RYR3: variants seen among roughly 807,000 people sequenced by gnomAD.
RYR3 encodes ryanodine receptor 3.
In RYR3, 207 loss-of-function variants were observed where a neutral mutation model predicts 584.3. The observed-to-expected ratio is 0.35, with a 90% confidence interval of 0.32 to 0.40. The LOEUF (loss-of-function observed/expected upper bound fraction) is 0.40, where lower values mean the gene tolerates loss of function less well. Among genes scored for constraint, RYR3 ranks in the 10% least tolerant of loss-of-function variants. RYR3 has a pLI of 1.00. For synonymous variants in RYR3, 2,416 were observed against 2,248.5 expected (o/e 1.07, Z -2.11); for missense variants, 5,616 against 6,089.2 (o/e 0.92, Z 2.59).
intron 10 of RYR3, among the ~76,000 whole-genome samples, chr15:33,558,855 C>T (rs1352627440): frequency 6.6e-6 from 1 of 152,148 alleles, no homozygotes; most frequent in Non-Finnish European, 1.5e-5. Context: ...CACGCCATAC[C>T]ACACAGGGCC....
intron 12 of RYR3, among the ~76,000 whole-genome samples, chr15:33,569,266 T>C (rs1201859828): frequency 6.6e-6 from 1 of 152,226 alleles, no homozygotes; most frequent in African/African-American, 2.4e-5. Flanking sequence ...TTGTTGTATT[T>C]TTATTGTGGT....
chr15:33,815,005 G>C (rs2076739374), intron 74 of RYR3, among the ~76,000 whole-genome samples: 2 of 151,272 alleles, frequency 1.3e-5, no homozygotes, highest in Admixed American at 6.6e-5. Context: ...GGGAGGCGGA[G>C]GTTGCAGTGA....
intron 1 of RYR3, among the ~76,000 whole-genome samples, chr15:33,386,670 A>G (rs2596205): frequency 0.76 from 115,793 of 152,020 alleles, 44,222 homozygotes; most frequent in Non-Finnish European, 0.79. Flanking sequence ...TATCCATTAA[A>G]TAACAATTCC....
In RYR3 at chr15:33,731,691, G is replaced by A; in HGVS notation, c.7421G>A (p.Cys2474Tyr). 1 of 1,597,648 alleles carries A rather than the reference G, an allele frequency of 6.3e-7. No individual in the cohort carries two copies. Among genetic ancestry groups the A allele is most frequent in the Non-Finnish European group, 8.6e-7 (1 of 1,165,770 alleles). Residue 2474 changes from cysteine (C) to tyrosine (Y), a missense_variant, in exon 48 of 104, where the codon TGC (cysteine) becomes TAC (tyrosine). Physicochemically the swap from Cys to Tyr is radical, Grantham distance 194. Transcript: ENST00000634891. ...ATAGAAGAATGTTTGCTTGCCATTT[G>A]CAAGTAAGTACATATCCTATGTTGT... ...DTIEECLLAI[C>Y]NHLRPSMLQQ...
At chr15:33,802,032 A>G (rs1258423754) in intron 69 of RYR3, 71 bp downstream of exon 69, 3 of 943,270 alleles carry the variant, frequency 3.2e-6, no homozygotes, top group Admixed American at 1.7e-5. Flanking sequence ...TCTGTTTCAT[A>G]CTTTCTGGGG....
intron 1 of RYR3, among the ~76,000 whole-genome samples, chr15:33,405,885 G>T (rs542748805): frequency 1.3e-5 from 2 of 152,262 alleles, no homozygotes; most frequent in South Asian, 4.2e-4. Flanking sequence ...TCTGGGGGTG[G>T]GGCAAAGAGG....
chr15:33,544,531 C>T (rs1027619620), intron 8 of RYR3, among the ~76,000 whole-genome samples: 4 of 152,114 alleles, frequency 2.6e-5, no homozygotes, highest in Non-Finnish European at 4.4e-5. Context: ...GTAGGTCAGG[C>T]TCCTGCCACA....
At chr15:33,832,606 G>A (rs1181975233) in intron 86 of RYR3, among the ~76,000 whole-genome samples, 4 of 149,694 alleles carry the variant, frequency 2.7e-5, no homozygotes, top group Admixed American at 2.0e-4. Flanking sequence ...TCAGTGAGCC[G>A]AGATCGCGCC....
intron 89 of RYR3, 144 bp from the exon 90 acceptor site, chr15:33,840,681 A>T: frequency 1.4e-6 from 1 of 706,288 alleles, no homozygotes; most frequent in East Asian, 2.7e-5. Context: ...ATAGCAGGAC[A>T]CTTATGTTCA....
rs1374258768 is a variant in RYR3 at position 33,825,695 on chromosome 15, T to G, written c.11146+19T>G. The G allele has an allele frequency of 4.2e-6, 6 of 1,421,332 alleles. No individual in the cohort carries two copies. Among genetic ancestry groups the G allele is most frequent in the Non-Finnish European group, 5.9e-6 (6 of 1,015,662 alleles). The allele number at this position is 1,421,332 out of a possible 1,614,324, so 88.0% of individuals were successfully genotyped here. On this transcript the variant is annotated intron_variant, in intron 82 of 103. Coordinates refer to ENST00000634891, the MANE Select transcript of RYR3 (RefSeq NM_001036.6). Reference sequence around the variant, plus strand: ...GGAACACGTAAGTAACTAATGAATGTGAAGGCCATTCTCTTCCTGATTAAA... The same window carrying G: ...GGAACACGTAAGTAACTAATGAATGGGAAGGCCATTCTCTTCCTGATTAAA...
At chr15:33,345,082 T>G (rs1567063455) in intron 1 of RYR3, among the ~76,000 whole-genome samples, 1 of 152,164 alleles carries the variant, frequency 6.6e-6, no homozygotes, top group Non-Finnish European at 1.5e-5. Flanking sequence ...TCCACTGCTT[T>G]TTTTCTTTTC....
intron 89 of RYR3, 187 bp from the exon 90 acceptor site, chr15:33,840,638 G>A: frequency 1.7e-6 from 1 of 605,170 alleles, no homozygotes; most frequent in Non-Finnish European, 2.9e-6. Flanking sequence ...TCAAATCTTT[G>A]TCTTGGCATC....
intron 1 of RYR3, among the ~76,000 whole-genome samples, chr15:33,381,295 A>G (rs1187414681): frequency 2.6e-5 from 4 of 152,118 alleles, no homozygotes; most frequent in Non-Finnish European, 5.9e-5. Context: ...CAGTGAGGTG[A>G]TTTGCTCGAG....
chr15:33,649,440 G>C (rs565712410), intron 31 of RYR3, among the ~76,000 whole-genome samples: 1 of 152,204 alleles, frequency 6.6e-6, no homozygotes, highest in African/African-American at 2.4e-5. Context: ...TTCATCATGT[G>C]TATAAATCGT....
At chr15:33,513,021 A>G (rs2053176997) in intron 3 of RYR3, among the ~76,000 whole-genome samples, 1 of 152,190 alleles carries the variant, frequency 6.6e-6, no homozygotes, top group Non-Finnish European at 1.5e-5. Context: ...GTTTCTGGCA[A>G]CATGTTTTAA....
intron 12 of RYR3, among the ~76,000 whole-genome samples, chr15:33,574,707 G>A (rs932430033): frequency 6.6e-6 from 1 of 152,198 alleles, no homozygotes; most frequent in African/African-American, 2.4e-5. Flanking sequence ...CCCTTAGCAT[G>A]TATGCAGATT....
At chr15:33,737,342 G>A (rs939247312) in intron 49 of RYR3, among the ~76,000 whole-genome samples, 36 of 152,114 alleles carry the variant, frequency 2.4e-4, no homozygotes, top group African/African-American at 8.7e-4. Flanking sequence ...GGGCCTGGTG[G>A]GAGGACACCA....
chr15:33,836,718 T>A (rs2078076124), intron 87 of RYR3, among the ~76,000 whole-genome samples, 188 bp from the exon 88 acceptor site: 1 of 152,206 alleles, frequency 6.6e-6, no homozygotes, highest in African/African-American at 2.4e-5. Flanking sequence ...TGAGTCCTGC[T>A]ACAGTGAGTC....
intron 98 of RYR3, among the ~76,000 whole-genome samples, chr15:33,855,710 T>C (rs2079583170): frequency 6.6e-6 from 1 of 152,042 alleles, no homozygotes; most frequent in South Asian, 2.1e-4. Flanking sequence ...GTTATACACA[T>C]AGTACACATT....
Sources: allele counts gnomAD v4.1 joint callset (sites outside exome capture counted in the v4.1 genomes callset), GRCh38; gene constraint gnomAD v4.1.1; transcripts MANE v1.5; gene names NCBI Gene and HGNC (gene_info 2026-07-23, HGNC 2026-07-21).